PWWP3B: variants seen among roughly 807,000 people sequenced by gnomAD.
PWWP3B encodes PWWP domain-containing DNA repair factor 3B.
Under a neutral mutation model 15.7 loss-of-function variants are expected in PWWP3B, and 5 were observed. The observed-to-expected ratio is 0.32, with a 90% CI of 0.17 to 0.67. PWWP3B has a LOEUF of 0.67. Ranked by LOEUF, PWWP3B falls within the 30% of genes least tolerant of loss-of-function variation. The probability of loss-of-function intolerance (pLI) is 0.74; values close to 1 mark genes in which losing one functional copy is unlikely to be tolerated. For missense variants in PWWP3B, 519 were observed against 493.1 expected (o/e 1.05, Z -0.50); for synonymous variants, 203 against 179.8 (o/e 1.13, Z -1.03).
chrX:106,201,082 T>TA (rs1030027353), intron 2 of PWWP3B, among the ~76,000 whole-genome samples: 6 of 109,423 alleles, frequency 5.5e-5, no homozygotes, highest in Non-Finnish European at 1.1e-4. Context: ...AAAATAAAAA[T>TA]AAAAAAAGAA....
chrX:106,187,060 A>C (rs745954255), intron 2 of PWWP3B, among the ~76,000 whole-genome samples: 1 of 111,975 alleles, frequency 8.9e-6, no homozygotes, highest in South Asian at 3.8e-4. Context: ...TTCATCTCTC[A>C]GTGGCAGGAA....
At chrX:106,192,042 G>A (rs1358788065) in intron 2 of PWWP3B, among the ~76,000 whole-genome samples, 11 of 111,762 alleles carry the variant, frequency 9.8e-5, no homozygotes, top group South Asian at 7.5e-4. Flanking sequence ...GTATCAGGAT[G>A]ATGCTGGCCT....
At chrX:106,168,647 T>TCAAAAGG (rs1350107198) in intron 1 of PWWP3B, among the ~76,000 whole-genome samples, 1 of 112,549 alleles carries the variant, frequency 8.9e-6, no homozygotes, top group Non-Finnish European at 1.9e-5. Flanking sequence ...TATGTTTCCA[T>TCAAAAGG]CAAAAGGCAG....
intron 2 of PWWP3B, among the ~76,000 whole-genome samples, chrX:106,175,333 C>T (rs914414353): frequency 7.8e-5 from 8 of 102,913 alleles, no homozygotes; most frequent in African/African-American, 1.8e-4. Context: ...CTCCGCCTCC[C>T]GGGTTCACGC....
chrX:106,206,310 C>G lies in PWWP3B; in HGVS notation c.878C>G (p.Thr293Ser), dbSNP rs376522668. Residue 293 changes from threonine to serine, a missense_variant, in exon 4 of 4, where the codon ACC becomes AGC. Coordinates refer to ENST00000357175, the MANE Select transcript of PWWP3B (RefSeq NM_001171020.2). ...GEGPSNPCLD[T>S]SQNQPSMESE... Reference sequence around the variant, plus strand: ...GGTCCCTCAAATCCATGCTTAGATACCAGCCAGAATCAACCTTCCATGGAA... The same window carrying G: ...GGTCCCTCAAATCCATGCTTAGATAGCAGCCAGAATCAACCTTCCATGGAA... The G allele has an allele frequency of 8.3e-7, 1 of 1,204,906 alleles. No individual in the cohort carries two copies. Among genetic ancestry groups the G allele is most frequent in the Admixed American group, 2.2e-5 (1 of 45,281 alleles).
At position 106,208,666 on chromosome X, in the gene PWWP3B, A is replaced by G. The variant is rs1049050873; in HGVS notation, c.*1143A>G. On this transcript the variant is annotated 3_prime_UTR_variant, in exon 4 of 4. Transcript: ENST00000357175. ...AAAAGCCTCCATTTGGCTAAATATGACAATTATCTGAGTATGGTTAAATAC... is the reference window on the plus strand; with the variant it reads ...AAAAGCCTCCATTTGGCTAAATATGGCAATTATCTGAGTATGGTTAAATAC... 12 of 124,269 alleles carry G rather than the reference A, an allele frequency of 9.7e-5. No individual in the cohort carries two copies. Among genetic ancestry groups the G allele is most frequent in the African/African-American group, 2.9e-4 (9 of 31,177 alleles). The allele number at this position is 124,269 out of a possible 1,213,427, so 10.2% of individuals were successfully genotyped here.
intron 2 of PWWP3B, among the ~76,000 whole-genome samples, chrX:106,194,369 C>T (rs1334530927): frequency 1.8e-5 from 2 of 112,074 alleles, no homozygotes; most frequent in Admixed American, 9.4e-5. Flanking sequence ...ATGTAGCTCT[C>T]GTGCCTTGGT....
chrX:106,188,219 G>T (rs1922635535), intron 2 of PWWP3B, among the ~76,000 whole-genome samples: 1 of 111,250 alleles, frequency 9.0e-6, no homozygotes, highest in African/African-American at 3.3e-5. Flanking sequence ...TTATATAACT[G>T]CATCAAAAGT....
At chrX:106,190,021 T>A (rs970379732) in intron 2 of PWWP3B, among the ~76,000 whole-genome samples, 2 of 112,147 alleles carry the variant, frequency 1.8e-5, no homozygotes, top group African/African-American at 3.2e-5. Flanking sequence ...CATGTGTCTT[T>A]ATAGCAGCAT....
At chrX:106,179,873 T>A (rs1182724012) in intron 2 of PWWP3B, among the ~76,000 whole-genome samples, 1 of 112,284 alleles carries the variant, frequency 8.9e-6, no homozygotes, top group South Asian at 3.7e-4. Flanking sequence ...GAATTATATA[T>A]GCTAAACTCC....
At chrX:106,179,315 C>T (rs1297232858) in intron 2 of PWWP3B, among the ~76,000 whole-genome samples, 1 of 111,913 alleles carries the variant, frequency 8.9e-6, no homozygotes, top group Non-Finnish European at 1.9e-5. Flanking sequence ...TTTCCCTTCT[C>T]TCCTTTCTCC....
chrX:106,178,800 A>G (rs1409409998), intron 2 of PWWP3B, among the ~76,000 whole-genome samples: 2 of 112,583 alleles, frequency 1.8e-5, no homozygotes, highest in African/African-American at 6.4e-5. Context: ...AGGAAATAGT[A>G]TCTTTCCAGA....
intron 2 of PWWP3B, among the ~76,000 whole-genome samples, chrX:106,178,465 C>A (rs1602827362): frequency 8.9e-6 from 1 of 111,970 alleles, no homozygotes; most frequent in East Asian, 2.8e-4. Flanking sequence ...ACATGTGTAA[C>A]CAAATCAGAA....
intron 2 of PWWP3B, among the ~76,000 whole-genome samples, chrX:106,195,727 C>G (rs1490062336): frequency 8.9e-6 from 1 of 111,746 alleles, no homozygotes; most frequent in African/African-American, 3.3e-5. Flanking sequence ...TAGTATGAAT[C>G]TTCTAACTTT....
At chrX:106,174,969 A>G (rs1269639584) in intron 2 of PWWP3B, among the ~76,000 whole-genome samples, 1 of 105,439 alleles carries the variant, frequency 9.5e-6, no homozygotes, top group African/African-American at 3.5e-5. Context: ...ACTCACTTGA[A>G]CCCAGGAGGC....
Position 106,207,080 on chromosome X carries a change from G to A in PWWP3B, c.1648G>A (p.Asp550Asn). ...CCCTGACCGGATGAAGGCTGCTCGGGACCGAGCCAACAAGAACCTGGTGGA... is the reference window on the plus strand; with the variant it reads ...CCCTGACCGGATGAAGGCTGCTCGGAACCGAGCCAACAAGAACCTGGTGGA... Reference protein sequence around the residue: ...ILPDRMKAARDRANKNLVDFI... With the variant: ...ILPDRMKAARNRANKNLVDFI... The change falls in exon 4 of 4, where the codon GAC becomes AAC. Residue 550 changes from aspartate to asparagine, a missense_variant. By Grantham distance (23) the Asp-to-Asn change is conservative (BLOSUM62 1). Transcript: ENST00000357175. 8.3e-7 allele frequency: 1 copy of A among 1,206,819 alleles called. No individual in the cohort carries two copies. Among genetic ancestry groups the A allele is most frequent in the Non-Finnish European group, 1.1e-6 (1 of 892,769 alleles).
At chrX:106,182,632 T>A (rs1389669989) in intron 2 of PWWP3B, among the ~76,000 whole-genome samples, 2 of 110,189 alleles carry the variant, frequency 1.8e-5, no homozygotes, top group Non-Finnish European at 3.8e-5. Flanking sequence ...AGTGGCTCCC[T>A]GTGTTCTATT....
chrX:106,193,146 G>T (rs1923114082), intron 2 of PWWP3B, among the ~76,000 whole-genome samples: 2 of 111,262 alleles, frequency 1.8e-5, no homozygotes, highest in South Asian at 7.6e-4. Context: ...GGGTGTTAAA[G>T]TCTCCCATTA....
intron 2 of PWWP3B, among the ~76,000 whole-genome samples, chrX:106,202,675 G>A (rs771937812): frequency 4.5e-5 from 5 of 111,614 alleles, no homozygotes; most frequent in Non-Finnish European, 9.4e-5. Flanking sequence ...AGAAACAGAG[G>A]ATTTGGTTTA....
Sources: allele counts gnomAD v4.1 joint callset (sites outside exome capture counted in the v4.1 genomes callset), GRCh38; gene constraint gnomAD v4.1.1; transcripts MANE v1.5; gene names NCBI Gene and HGNC (gene_info 2026-07-23, HGNC 2026-07-21).